The following EGFLAM variants were observed in gnomAD, a reference collection of about 807,000 sequenced individuals.
The protein encoded by EGFLAM is EGF like, fibronectin type III and laminin G domains, also known as pikachurin.
EGFLAM carries 79 observed loss-of-function variants against 113.1 expected under a neutral mutation model. The observed-to-expected ratio is 0.70, with a 90% CI of 0.58 to 0.84. The LOEUF is 0.84. Among genes scored for constraint, EGFLAM ranks in the 40% least tolerant of loss-of-function variants. The probability of loss-of-function intolerance (pLI) is 0.00; values close to 1 mark genes in which losing one functional copy is unlikely to be tolerated. For synonymous variants in EGFLAM, 504 were observed against 487.6 expected, an observed-to-expected ratio of 1.03 and a Z score of -0.44; for missense variants, 1,265 against 1,291.6, an observed-to-expected ratio of 0.98 and a Z score of 0.32.
chr5:38,300,445 G>A (rs1048328721), intron 1 of EGFLAM, among the ~76,000 whole-genome samples: 2 of 150,402 alleles, frequency 1.3e-5, no homozygotes, highest in East Asian at 2.0e-4. Flanking sequence ...ACGCAATCTC[G>A]GCTAACTGCA....
In EGFLAM at chr5:38,333,740, C is replaced by T. The variant is rs184648160; in HGVS notation, c.98-3780C>T. 5.3e-3 allele frequency among the ~76,000 whole-genome samples: 803 copies of T among 152,080 alleles called. 12 individuals are homozygous for T. Among genetic ancestry groups the T allele is most frequent in the African/African-American group, 0.019 (770 of 41,490 alleles). On this transcript the variant is annotated intron_variant, in intron 1 of 21. Coordinates refer to ENST00000322350, the MANE Select transcript of EGFLAM (RefSeq NM_152403.4). ...CATAGACTGCAAATATTTTCTCCCA[C>T]TCTGTAGGTTGTCTGTTTACTCTGT... is the stretch of plus-strand genomic sequence containing the variant.
intron 6 of EGFLAM, among the ~76,000 whole-genome samples, chr5:38,398,070 G>A (rs1382629862): frequency 6.6e-6 from 1 of 152,162 alleles, no homozygotes; most frequent in East Asian, 1.9e-4. Context: ...TAATGCAGAA[G>A]AGCCACTGGG....
At chr5:38,374,943 G>A (rs1365879138) in intron 6 of EGFLAM, among the ~76,000 whole-genome samples, 1 of 152,104 alleles carries the variant, frequency 6.6e-6, no homozygotes, top group Non-Finnish European at 1.5e-5. Context: ...ACTTTTTAAT[G>A]GGGTTGTTTC....
At chr5:38,394,593 T>A (rs1740905538) in intron 6 of EGFLAM, among the ~76,000 whole-genome samples, 1 of 151,808 alleles carries the variant, frequency 6.6e-6, no homozygotes, top group African/African-American at 2.4e-5. Flanking sequence ...GTATTTTTAG[T>A]AGAGACGGGG....
In EGFLAM at chr5:38,330,863, A is replaced by G. The variant is rs558226300; in HGVS notation, c.98-6657A>G. Among the ~76,000 whole-genome samples, 220 of 152,310 alleles carry G rather than the reference A, an allele frequency of 1.4e-3. 1 individual carries two copies. The highest frequency in any genetic ancestry group is 4.2e-3 in the African/African-American group (174 of 41,566). On this transcript the variant is annotated intron_variant, in intron 1 of 21. Coordinates refer to ENST00000322350, the MANE Select transcript of EGFLAM (RefSeq NM_152403.4). ...GAATAGGCCTCTTCGCTTAGCAATA[A>G]ATGTGGCCAGTACTGGATAATTACA... is the stretch of plus-strand genomic sequence containing the variant.
At chr5:38,416,338 C>A (rs1561079465) in intron 11 of EGFLAM, among the ~76,000 whole-genome samples, 1 of 152,204 alleles carries the variant, frequency 6.6e-6, no homozygotes, top group African/African-American at 2.4e-5. Context: ...AAGAGGATAT[C>A]AGCAAGAGTG....
In EGFLAM at chr5:38,430,041, C is replaced by T. The variant is rs147324738; in HGVS notation, c.2055-1136C>T. 489 of 225,562 alleles carry T rather than the reference C, an allele frequency of 2.2e-3. 3 individuals carry two copies. The highest frequency in any genetic ancestry group is 0.01 in the African/African-American group (452 of 43,476). The allele number at this position is 225,562 out of a possible 1,614,324, so 14.0% of individuals were successfully genotyped here. A position where few individuals can be genotyped will look rare whatever the true frequency, so the allele number is the denominator to read the frequency against. Reference sequence around the variant, plus strand: ...TAACAGTTTTGTCCAAGGGGATATCCGGTGGCTGTAGGGGCAATCTGACGT... The same window carrying T: ...TAACAGTTTTGTCCAAGGGGATATCTGGTGGCTGTAGGGGCAATCTGACGT... On this transcript the variant is annotated intron_variant, in intron 14 of 21. Coordinates refer to ENST00000322350, the MANE Select transcript of EGFLAM (RefSeq NM_152403.4).
intron 20 of EGFLAM, 176 bp from the exon 21 acceptor site, chr5:38,462,732 C>A: frequency 1.6e-6 from 1 of 640,642 alleles, no homozygotes; most frequent in Non-Finnish European, 2.6e-6. Flanking sequence ...CAGTAGACCA[C>A]AGGCTCCTGA....
chr5:38,365,229 T>C (rs1740028388), intron 5 of EGFLAM, among the ~76,000 whole-genome samples: 1 of 152,136 alleles, frequency 6.6e-6, no homozygotes, highest in African/African-American at 2.4e-5. Flanking sequence ...AGAGGTGAAA[T>C]AGAATAGAAA....
At chr5:38,424,576 G>A (rs932758436) in intron 12 of EGFLAM, among the ~76,000 whole-genome samples, 1 of 152,168 alleles carries the variant, frequency 6.6e-6, no homozygotes, top group African/African-American at 2.4e-5. Context: ...AATTTAGAAT[G>A]CTTTTAACAT....
intron 12 of EGFLAM, among the ~76,000 whole-genome samples, chr5:38,423,911 G>C (rs775407444): frequency 5.3e-5 from 8 of 152,162 alleles, no homozygotes; most frequent in Non-Finnish European, 1.0e-4. Context: ...AATTCAAGGA[G>C]GGAAGGGTGA....
chr5:38,464,368 A>C lies in EGFLAM; in HGVS notation c.*382A>C, dbSNP rs1422205206. On this transcript the variant is annotated 3_prime_UTR_variant, in exon 22 of 22. Transcript: ENST00000322350. ...GAAAGAATCCCACAGGGCACTATTA[A>C]AATACTTCTCTCCTTCCCTGACTCA... 5.2e-6 allele frequency: 1 copy of C among 190,650 alleles called. No individual in the cohort carries two copies. Among genetic ancestry groups the C allele is most frequent in the African/African-American group, 2.3e-5 (1 of 42,968 alleles). 11.8% of individuals were successfully genotyped at this position (190,650 alleles called of 1,614,324 possible). A position where few individuals can be genotyped will look rare whatever the true frequency, so the allele number is the denominator to read the frequency against.
At chr5:38,330,970 A>G (rs1561281197) in intron 1 of EGFLAM, among the ~76,000 whole-genome samples, 1 of 152,230 alleles carries the variant, frequency 6.6e-6, no homozygotes, top group Admixed American at 6.5e-5. Context: ...GTACTTACAG[A>G]TCAGTGAGAA....
At chr5:38,312,492 G>A (rs915908389) in intron 1 of EGFLAM, among the ~76,000 whole-genome samples, 1 of 151,862 alleles carries the variant, frequency 6.6e-6, no homozygotes, top group Non-Finnish European at 1.5e-5. Flanking sequence ...CGCCCGCCTC[G>A]GCCTCCCAAA....
In EGFLAM at chr5:38,370,290, A is replaced by G. The variant is rs1467344342; in HGVS notation, c.546-6A>G. On this transcript the variant is annotated splice_polypyrimidine_tract_variant and splice_region_variant and intron_variant, in intron 5 of 21. Transcript: ENST00000322350. ...ACTGCTTCTTCTGTTTTTCTAATCA[A>G]TAAAGGCCAGATTTCGACAAGAAGT... 1.2e-6 allele frequency: 2 copies of G among 1,612,432 alleles called. No homozygotes were observed. Among genetic ancestry groups the G allele is most frequent in the Non-Finnish European group, 1.7e-6 (2 of 1,178,814 alleles).
intron 3 of EGFLAM, among the ~76,000 whole-genome samples, chr5:38,349,952 TACACACACAC>T (rs60439871): frequency 3.5e-5 from 5 of 144,380 alleles, no homozygotes; most frequent in African/African-American, 5.1e-5. Context: ...GCAGGGGAAG[TACACACACAC>T]ACACACACAC....
At chr5:38,298,921 G>A (rs1394912404) in intron 1 of EGFLAM, among the ~76,000 whole-genome samples, 3 of 152,186 alleles carry the variant, frequency 2.0e-5, no homozygotes, top group Non-Finnish European at 4.4e-5. Context: ...GGCTGGTCTC[G>A]AACTCCACCT....
chr5:38,370,519 A>ACT, intron 6 of EGFLAM, 57 bp downstream of exon 6: 1 of 1,566,124 alleles, frequency 6.4e-7, no homozygotes. Context: ...GGCTTGCCTC[A>ACT]TGAAGACTCA....
At chr5:38,402,412 T>C (rs954501915) in intron 6 of EGFLAM, among the ~76,000 whole-genome samples, 2 of 152,174 alleles carry the variant, frequency 1.3e-5, no homozygotes, top group African/African-American at 4.8e-5. Context: ...ACCAATTTTA[T>C]AGTATTTTGT....
Sources: gnomAD v4.1 joint callset for allele counts (sites outside exome capture counted in the v4.1 genomes callset) on GRCh38, gnomAD v4.1.1 for gene constraint, MANE v1.5 for transcripts, NCBI Gene and HGNC (gene_info 2026-07-23, HGNC 2026-07-21) for gene names.